The following GNB4 variants were observed in gnomAD, a reference collection of about 807,000 sequenced individuals.
The protein encoded by GNB4 is guanine nucleotide-binding protein subunit beta-4.
In GNB4, 28 loss-of-function variants were observed where a neutral mutation model predicts 45.2. That is an observed-to-expected ratio of 0.62 (90% CI 0.46 to 0.85). GNB4 has a LOEUF of 0.85. Among genes scored for constraint, GNB4 ranks in the 40% least tolerant of loss-of-function variants. The pLI is 0.00. For synonymous variants in GNB4, 132 were observed against 143.7 expected, an observed-to-expected ratio of 0.92 and a Z score of 0.58; for missense variants, 321 against 425.4, an observed-to-expected ratio of 0.75 and a Z score of 2.16.
At chr3:179,415,100 C>A in intron 5 of GNB4, 53 bp from the exon 6 acceptor site, 1 of 1,343,040 alleles carries the variant, frequency 7.4e-7, no homozygotes, top group Non-Finnish European at 1.0e-6. Flanking sequence ...TCATCTATTG[C>A]ATAAACCCAT....
chr3:179,437,453 T>C (rs2108614501), intron 1 of GNB4, among the ~76,000 whole-genome samples: 1 of 152,022 alleles, frequency 6.6e-6, no homozygotes, highest in Non-Finnish European at 1.5e-5. Flanking sequence ...TAGTCCCAGC[T>C]ACTTGGGAAG....
intron 9 of GNB4, among the ~76,000 whole-genome samples, chr3:179,402,364 A>C (rs1168165518): frequency 6.6e-6 from 1 of 152,214 alleles, no homozygotes; most frequent in Non-Finnish European, 1.5e-5. Context: ...TGTTATGGAT[A>C]CTAATTGTTT....
At chr3:179,473,087 CA>C in the GNB4 span, among the ~76,000 whole-genome samples, 1 of 152,122 alleles carries the variant, frequency 6.6e-6, no homozygotes, top group Non-Finnish European at 1.5e-5. Context: ...CGCTTGAACC[CA>C]GGAGGTGGAG....
intron 2 of GNB4, among the ~76,000 whole-genome samples, chr3:179,425,627 C>A (rs1338922334): frequency 6.6e-6 from 1 of 152,012 alleles, no homozygotes; most frequent in Admixed American, 6.6e-5. Context: ...TGCACCACCA[C>A]GCCTGGCTAA....
intron 9 of GNB4, among the ~76,000 whole-genome samples, chr3:179,401,595 A>G (rs1300023020): frequency 6.6e-6 from 1 of 152,228 alleles, no homozygotes; most frequent in Non-Finnish European, 1.5e-5. Flanking sequence ...CTTATAATTC[A>G]ACTTATATCT....
At position 179,400,949 on chromosome 3, in the gene GNB4, C is replaced by T. The variant is rs1714278082; in HGVS notation, c.*264G>A. The T allele has an allele frequency of 6.1e-6, 2 of 327,224 alleles. No individual in the cohort carries two copies. Among genetic ancestry groups the T allele is most frequent in the East Asian group, 1.0e-4 (2 of 19,726 alleles). 20.3% of individuals were successfully genotyped at this position (327,224 alleles called of 1,614,324 possible). On this transcript the variant is annotated 3_prime_UTR_variant, in exon 10 of 10. Transcript: ENST00000232564. ...CTGTTCTACACAAAGAAAATACACT[C>T]TGAGTACACACAACAATTCACCAAG...
At chr3:179,443,609 A>T (rs1255266489) in intron 1 of GNB4, among the ~76,000 whole-genome samples, 5 of 152,210 alleles carry the variant, frequency 3.3e-5, no homozygotes, top group African/African-American at 1.2e-4. Flanking sequence ...CTTTCACTGT[A>T]GATTTCATTT....
At chr3:179,443,167 C>T (rs1715635635) in intron 1 of GNB4, among the ~76,000 whole-genome samples, 1 of 152,202 alleles carries the variant, frequency 6.6e-6, no homozygotes, top group Non-Finnish European at 1.5e-5. Context: ...CTTCATAGGA[C>T]AAAATGTTAA....
chr3:179,518,283 A>C, the GNB4 span, among the ~76,000 whole-genome samples: 3 of 152,124 alleles, frequency 2.0e-5, no homozygotes, highest in African/African-American at 7.2e-5. Context: ...ATGCTACAAG[A>C]TCTAAATAAT....
chr3:179,464,437 C>CGG, the GNB4 span: 1 of 1,544,872 alleles, frequency 6.5e-7, no homozygotes, highest in East Asian at 2.2e-5. Context: ...TTCCACCTCA[C>CGG]GGCAGTTACA....
chr3:179,451,127 C>T (rs929062752), intron 1 of GNB4: 1 of 152,144 alleles, frequency 6.6e-6, no homozygotes, highest in Admixed American at 6.5e-5. Flanking sequence ...GTCGTGGGGC[C>T]AGTTCCCGCG....
chr3:179,398,472 A>G lies in GNB4; in HGVS notation c.*2741T>C, dbSNP rs9756522. 0.7 allele frequency: 106,451 copies of G among 151,346 alleles called. 37,836 individuals carry two copies. Among genetic ancestry groups the G allele is most frequent in the African/African-American group, 0.79 (32,396 of 41,168 alleles). 9.4% of individuals were successfully genotyped at this position (151,346 alleles called of 1,614,324 possible). The stretch of plus-strand genomic sequence containing the variant: ...AGAGGTTGAGGTTGCAATGAGCCAA[A>G]ATCACACCACTGTACACTCCAGCCT... On this transcript the variant is annotated 3_prime_UTR_variant, in exon 10 of 10. Transcript: ENST00000232564.
Position 179,397,720 on chromosome 3 carries a change from A to G in GNB4, c.*3493T>C, listed in dbSNP as rs1214981277. ...GCCTGTCCATTAAAGTGGAGGAGATATCCTTGCTGATGGCAAAAACTGCTT... is the reference window on the plus strand; with the variant it reads ...GCCTGTCCATTAAAGTGGAGGAGATGTCCTTGCTGATGGCAAAAACTGCTT... On this transcript the variant is annotated 3_prime_UTR_variant, in exon 10 of 10. Coordinates refer to ENST00000232564, the MANE Select transcript of GNB4 (RefSeq NM_021629.4). The G allele has an allele frequency of 6.5e-6, 1 of 152,698 alleles. No individual in the cohort carries two copies. Among genetic ancestry groups the G allele is most frequent in the Non-Finnish European group, 1.5e-5 (1 of 68,084 alleles). 9.5% of individuals were successfully genotyped at this position (152,698 alleles called of 1,614,324 possible).
At chr3:179,527,777 C>CGTGTGTGT in the GNB4 span, among the ~76,000 whole-genome samples, 32 of 122,146 alleles carry the variant, frequency 2.6e-4, 1 homozygote, top group South Asian at 8.5e-4. Flanking sequence ...CTGATAAGTG[C>CGTGTGTGT]GTGTGTGTAT....
chr3:179,464,375 G>T, the GNB4 span: 9 of 945,196 alleles, frequency 9.5e-6, no homozygotes, highest in Non-Finnish European at 1.5e-5. Flanking sequence ...TGTCCAGGTT[G>T]GCTGCCTGGC....
At chr3:179,405,518 G>T in intron 8 of GNB4, 112 bp from the exon 9 acceptor site, 1 of 683,102 alleles carries the variant, frequency 1.5e-6, no homozygotes, top group Non-Finnish European at 2.4e-6. Context: ...CCTACCAGGT[G>T]AGCGATGTTG....
chr3:179,446,289 C>T (rs947648337), intron 1 of GNB4, among the ~76,000 whole-genome samples: 1 of 152,204 alleles, frequency 6.6e-6, no homozygotes, highest in East Asian at 1.9e-4. Context: ...GGCTTCACCA[C>T]TTGTGTACGT....
the GNB4 span, among the ~76,000 whole-genome samples, chr3:179,480,853 TC>T: frequency 5.5e-5 from 8 of 144,676 alleles, no homozygotes; most frequent in East Asian, 2.0e-4. Context: ...TTTTTTTTTT[TC>T]TTTTTTTTTT....
intron 5 of GNB4, among the ~76,000 whole-genome samples, chr3:179,415,573 G>A (rs2108591849): frequency 6.7e-6 from 1 of 150,218 alleles, no homozygotes; most frequent in Middle Eastern, 3.4e-3. Flanking sequence ...GTTTTTTATT[G>A]CTCTAGAAAC....
Sources: gnomAD v4.1 joint callset for allele counts (sites outside exome capture counted in the v4.1 genomes callset) on GRCh38, gnomAD v4.1.1 for gene constraint, MANE v1.5 for transcripts, NCBI Gene and HGNC (gene_info 2026-07-23, HGNC 2026-07-21) for gene names.